The following MMP27 variants were observed in gnomAD, a reference collection of about 807,000 sequenced individuals.
MMP27 encodes the protein matrix metalloproteinase-27.
In MMP27, 51 loss-of-function variants were observed where a neutral mutation model predicts 48.1. The ratio of observed to expected loss-of-function variants is 1.06; its 90% CI spans 0.85 to 1.34. The LOEUF (loss-of-function observed/expected upper bound fraction) is 1.34. Among genes scored for constraint, MMP27 ranks in the 40% most tolerant of loss-of-function variants. The probability of loss-of-function intolerance (pLI) is 0.00; values close to 1 mark genes in which losing one functional copy is unlikely to be tolerated. For synonymous variants in MMP27, 229 were observed against 208.9 expected (o/e 1.10, Z -0.83); for missense variants, 698 against 619.3 (o/e 1.13, Z -1.35).
intron 7 of MMP27, among the ~76,000 whole-genome samples, chr11:102,694,688 C>T (rs1860790747): frequency 6.6e-6 from 1 of 152,070 alleles, no homozygotes; most frequent in African/African-American, 2.4e-5. Flanking sequence ...AAAAAGTGAA[C>T]ATTAAAGACA....
At chr11:102,705,327 G>A (rs1414450956) in intron 1 of MMP27, among the ~76,000 whole-genome samples, 3 of 152,054 alleles carry the variant, frequency 2.0e-5, no homozygotes, top group African/African-American at 7.2e-5. Flanking sequence ...CTTTTATAGT[G>A]ATCTCCATAC....
chr11:102,703,224 CTT>C (rs1284584395), intron 2 of MMP27, 106 bp from the exon 3 acceptor site: 4 of 1,059,558 alleles, frequency 3.8e-6, no homozygotes, highest in Non-Finnish European at 4.0e-6. Flanking sequence ...GCTGCAGTAA[CTT>C]TGGTGTGGTG....
intron 9 of MMP27, among the ~76,000 whole-genome samples, chr11:102,692,218 G>A (rs1860739216): frequency 6.6e-6 from 1 of 152,168 alleles, no homozygotes; most frequent in East Asian, 1.9e-4. Context: ...TAAAGGGTGA[G>A]TTTCAAGGGA....
Position 102,695,012 on chromosome 11 carries a change from G to C in MMP27, c.988C>G (p.Gln330Glu), listed in dbSNP as rs1293316432. The change falls in exon 7 of 10, where the codon CAA becomes GAA. Residue 330 changes from glutamine to glutamate, a missense_variant. Gln to Glu is a conservative substitution (Grantham distance 29). Transcript: ENST00000260229. ...SFWPSLPADLQAAYENPRDKI... is the reference protein window; with the variant it reads ...SFWPSLPADLEAAYENPRDKI... ...TCTCTGGGGTTCTCGTATGCAGCTT[G>C]CAGATCAGCTGGCAGAGATGGCCAG... The C allele has an allele frequency of 6.2e-7, 1 of 1,613,946 alleles. No individual in the cohort carries two copies. The highest frequency in any genetic ancestry group is 1.1e-5 in the South Asian group (1 of 91,082).
In MMP27 at chr11:102,705,621, G is replaced by C; in HGVS notation, c.94C>G (p.Leu32Val). Residue 32 changes from leucine to valine, a missense_variant, in exon 1 of 10, where the codon CTG (leucine) becomes GTG (valine). Physicochemically the swap from Leu to Val is conservative, Grantham distance 32. Transcript: ENST00000260229. ...ATTTATTAAGACAGTACCTGAGCCA[G>C]TTGCATATTTTCTTCATTTTCCGTC... ...RMTENEENMQ[L>V]AQAYLNQFYS... 6.4e-7 allele frequency: 1 copy of C among 1,562,780 alleles called. No homozygotes were observed. Among genetic ancestry groups the C allele is most frequent in the African/African-American group, 1.4e-5 (1 of 72,372 alleles).
intron 4 of MMP27, among the ~76,000 whole-genome samples, chr11:102,698,502 G>T (rs966272013): frequency 2.6e-5 from 4 of 151,870 alleles, no homozygotes; most frequent in Non-Finnish European, 5.9e-5. Flanking sequence ...ACCAGTTTGG[G>T]GTTGTTGCTA....
chr11:102,704,838 T>C, intron 1 of MMP27, 63 bp from the exon 2 acceptor site: 1 of 1,163,332 alleles, frequency 8.6e-7, no homozygotes, highest in Non-Finnish European at 1.2e-6. Flanking sequence ...AATCTCCATC[T>C]CAGGATAAAG....
intron 1 of MMP27, 102 bp from the exon 2 acceptor site, chr11:102,704,877 T>C (rs1047085457): frequency 1.1e-5 from 7 of 630,592 alleles, no homozygotes; most frequent in Admixed American, 6.2e-5. Flanking sequence ...CTTCTGGCAA[T>C]AGGAAAGGGG....
In MMP27 at chr11:102,704,375, A is replaced by G. The variant is rs1002328686; in HGVS notation, c.341+162T>C. Among the ~76,000 whole-genome samples the G allele has an allele frequency of 2.0e-5, 3 of 152,256 alleles. No homozygotes were observed. The South Asian group carries it at 6.2e-4, about 32-fold the overall frequency. On this transcript the variant is annotated intron_variant, in intron 2 of 9. Transcript: ENST00000260229. Reference sequence around the variant, plus strand: ...GTATTTAAGATGGTGGTAGCAGCAGAGCCTACAGCACAGGTTTGTTGGGAA... The same window carrying G: ...GTATTTAAGATGGTGGTAGCAGCAGGGCCTACAGCACAGGTTTGTTGGGAA...
intron 1 of MMP27, 140 bp downstream of exon 1, chr11:102,705,472 AT>A: frequency 1.8e-6 from 1 of 561,736 alleles, no homozygotes; most frequent in South Asian, 2.6e-5. Context: ...ATCGTCAGAG[AT>A]AGACAAATGA....
chr11:102,692,101 T>C (rs1860737163), intron 9 of MMP27, 91 bp from the exon 10 acceptor site: 1 of 1,217,398 alleles, frequency 8.2e-7, no homozygotes, highest in South Asian at 1.9e-5. Flanking sequence ...AAAATAACAT[T>C]ATGGAGAACG....
chr11:102,693,049 C>T lies in MMP27; in HGVS notation c.1194-8G>A. 1 of 1,606,896 alleles carries T rather than the reference C, an allele frequency of 6.2e-7. No individual in the cohort carries two copies. The highest frequency in any genetic ancestry group is 8.5e-7 in the Non-Finnish European group (1 of 1,174,120). ...TGGGTCATTTCATCAAACCTGCATA[C>T]AAGAATATGAAAGGATACCAGCGGA... On this transcript the variant is annotated splice_region_variant and splice_polypyrimidine_tract_variant and intron_variant, in intron 8 of 9. Transcript: ENST00000260229.
In MMP27 at chr11:102,703,079, C is replaced by T. The variant is rs1192575819; in HGVS notation, c.381G>A (p.Val127=). Reference sequence around the variant, plus strand: ...CTAAACCTTCTTGGATAGCCTCATCCACAGCAGCTCGTGCCATATCCGGAG... The same window carrying T: ...CTAAACCTTCTTGGATAGCCTCATCTACAGCAGCTCGTGCCATATCCGGAG... ...NYTPDMARAA[V]DEAIQEGLEV... The change falls in exon 3 of 10, where the codon GTG becomes GTA. Residue 127 remains valine, a synonymous_variant. Coordinates refer to ENST00000260229, the MANE Select transcript of MMP27 (RefSeq NM_022122.3). The T allele has an allele frequency of 6.2e-7, 1 of 1,614,030 alleles. No homozygotes were observed. The highest frequency in any genetic ancestry group is 1.7e-5 in the Admixed American group (1 of 60,002).
chr11:102,704,090 C>T (rs958388618), intron 2 of MMP27, among the ~76,000 whole-genome samples: 1 of 152,184 alleles, frequency 6.6e-6, no homozygotes, highest in African/African-American at 2.4e-5. Flanking sequence ...CTACTTTGCT[C>T]TGAGGGGCTC....
chr11:102,693,104 C>T, intron 8 of MMP27, 63 bp from the exon 9 acceptor site: 2 of 1,289,370 alleles, frequency 1.6e-6, no homozygotes, highest in Non-Finnish European at 2.2e-6. Context: ...AATTTGTCTA[C>T]CGCACAACTT....
intron 4 of MMP27, 62 bp from the exon 5 acceptor site, chr11:102,696,897 G>T: frequency 6.6e-7 from 1 of 1,518,164 alleles, no homozygotes; most frequent in Non-Finnish European, 8.9e-7. Flanking sequence ...GGCTGCATCT[G>T]AGATTAGAAA....
chr11:102,705,093 T>C (rs1460700171), intron 1 of MMP27, among the ~76,000 whole-genome samples: 2 of 152,214 alleles, frequency 1.3e-5, no homozygotes, highest in Non-Finnish European at 2.9e-5. Context: ...TGATGACCTA[T>C]CTTACATATT....
chr11:102,693,000 T>C lies in MMP27; in HGVS notation c.1235A>G (p.Gln412Arg). Reference protein sequence around the residue: ...MTQTMDKGFPQRVVKHFPGIS... With the variant: ...MTQTMDKGFPRRVVKHFPGIS... ...TCCAGGAAAGTGTTTTACCACTCTC[T>C]GCGGGAACCCTTTGTCCATGGTTTG... is the stretch of plus-strand genomic sequence containing the variant. The change falls in exon 9 of 10, where the codon CAG becomes CGG. Residue 412 changes from glutamine (Q) to arginine (R), a missense_variant. Physicochemically the swap from Gln to Arg is conservative, Grantham distance 43 (BLOSUM62 1). Coordinates refer to ENST00000260229, the MANE Select transcript of MMP27 (RefSeq NM_022122.3). 1.2e-6 allele frequency: 2 copies of C among 1,613,922 alleles called. No individual in the cohort carries two copies. The highest frequency in any genetic ancestry group is 1.7e-6 in the Non-Finnish European group (2 of 1,179,854).
At chr11:102,693,875 A>G (rs780147639) in intron 8 of MMP27, 31 bp downstream of exon 8, 1 of 1,535,568 alleles carries the variant, frequency 6.5e-7, no homozygotes, top group Non-Finnish European at 8.8e-7. Context: ...TCTCCATAAT[A>G]AAACAAAGTG....
Sources: gnomAD v4.1 joint callset for allele counts (sites outside exome capture counted in the v4.1 genomes callset) on GRCh38, gnomAD v4.1.1 for gene constraint, MANE v1.5 for transcripts, NCBI Gene and HGNC (gene_info 2026-07-23, HGNC 2026-07-21) for gene names.